COMMD1: variants seen among roughly 807,000 people sequenced by gnomAD.
COMMD1 encodes the protein COMM domain-containing protein 1.
In COMMD1, 10 loss-of-function variants were observed where a neutral mutation model predicts 17.2. The observed-to-expected ratio is 0.58, with a 90% CI of 0.36 to 0.99. The LOEUF (loss-of-function observed/expected upper bound fraction) is 0.99, where lower values mean the gene tolerates loss of function less well. COMMD1 is among the 50% of genes least tolerant of loss of function. The pLI is 0.01. For missense variants in COMMD1, 270 were observed against 231.8 expected, an observed-to-expected ratio of 1.17 and a Z score of -1.07; for synonymous variants, 97 against 91.6, an observed-to-expected ratio of 1.06 and a Z score of -0.34.
At chr2:61,967,208 T>C (rs1223453262) in intron 1 of COMMD1, among the ~76,000 whole-genome samples, 3 of 152,208 alleles carry the variant, frequency 2.0e-5, no homozygotes, top group Non-Finnish European at 4.4e-5. Flanking sequence ...TTCACAGCAG[T>C]GCTTCTTACA....
chr2:62,045,365 G>A (rs183120481), intron 2 of COMMD1, among the ~76,000 whole-genome samples: 234 of 152,240 alleles, frequency 1.5e-3, no homozygotes, highest in African/African-American at 5.5e-3. Context: ...TGTAAATCTT[G>A]TGACCTCCAG....
chr2:62,031,075 A>G (rs1321367416), intron 2 of COMMD1, among the ~76,000 whole-genome samples: 1 of 152,138 alleles, frequency 6.6e-6, no homozygotes, highest in South Asian at 2.1e-4. Context: ...AACCTTTGAG[A>G]TTTTGTGAAA....
In COMMD1 at chr2:62,028,539, C is replaced by T. The variant is rs145514755; in HGVS notation, c.462+27557C>T. On this transcript the variant is annotated intron_variant, in intron 2 of 2. Coordinates refer to ENST00000311832, the MANE Select transcript of COMMD1 (RefSeq NM_152516.4). Reference sequence around the variant, plus strand: ...CATGAGCCATGACTGTGTCACTGCACTCCAGCCTAGGCGACAGAGTGAGAG... The same window carrying T: ...CATGAGCCATGACTGTGTCACTGCATTCCAGCCTAGGCGACAGAGTGAGAG... Among the ~76,000 whole-genome samples the T allele has an allele frequency of 9.9e-5, 15 of 152,066 alleles. No homozygotes were observed. The East Asian group carries it at 2.3e-3, about 24-fold the overall frequency.
intron 2 of COMMD1, among the ~76,000 whole-genome samples, chr2:62,074,882 G>A (rs987294603): frequency 7.1e-6 from 1 of 140,564 alleles, no homozygotes; most frequent in African/African-American, 2.7e-5. Flanking sequence ...TTGTTTGTGT[G>A]GTTTTTTTTT....
chr2:61,953,493 C>T (rs1451162405), intron 1 of COMMD1, among the ~76,000 whole-genome samples: 2 of 151,626 alleles, frequency 1.3e-5, no homozygotes, highest in South Asian at 4.2e-4. Flanking sequence ...CTCAGCCTCA[C>T]GAGTAGCTGG....
chr2:62,034,393 G>A (rs1474560887), intron 2 of COMMD1, among the ~76,000 whole-genome samples: 1 of 151,986 alleles, frequency 6.6e-6, no homozygotes, highest in South Asian at 2.1e-4. Context: ...CCAGCTACTC[G>A]GGAAGCTGAG....
chr2:62,036,591 T>A (rs1670045064), intron 2 of COMMD1, among the ~76,000 whole-genome samples: 1 of 152,208 alleles, frequency 6.6e-6, no homozygotes. Flanking sequence ...TGATAGTGGC[T>A]CCTCTGGAGC....
chr2:61,972,849 T>G (rs145549188), intron 1 of COMMD1, among the ~76,000 whole-genome samples: 1,725 of 152,278 alleles, frequency 0.011, 36 homozygotes, highest in African/African-American at 0.04. Context: ...TGTTTGTTTT[T>G]TAGTAGAGAC....
At chr2:62,066,483 T>G (rs1326708948) in intron 2 of COMMD1, among the ~76,000 whole-genome samples, 1 of 150,726 alleles carries the variant, frequency 6.6e-6, no homozygotes, top group Non-Finnish European at 1.5e-5. Context: ...TCACCCAGGC[T>G]GGAGTGCAGT....
At chr2:61,920,797 G>A (rs766634787) in intron 1 of COMMD1, among the ~76,000 whole-genome samples, 23 of 151,446 alleles carry the variant, frequency 1.5e-4, no homozygotes, top group South Asian at 6.2e-4. Context: ...ATCCAAATCT[G>A]TTTTGATTTT....
At chr2:62,044,111 C>T (rs1428611198) in intron 2 of COMMD1, among the ~76,000 whole-genome samples, 4 of 152,038 alleles carry the variant, frequency 2.6e-5, no homozygotes, top group Non-Finnish European at 5.9e-5. Flanking sequence ...GGTGTTTTTG[C>T]CTTTTGGCTT....
At chr2:61,899,247 C>A (rs1478114622) in intron 1 of COMMD1, among the ~76,000 whole-genome samples, 1 of 152,122 alleles carries the variant, frequency 6.6e-6, no homozygotes, top group Non-Finnish European at 1.5e-5. Context: ...AAGATGTCCT[C>A]CCTTTACCAG....
chr2:62,009,074 G>A (rs796969896), intron 2 of COMMD1, among the ~76,000 whole-genome samples: 4 of 151,952 alleles, frequency 2.6e-5, no homozygotes, highest in African/African-American at 4.8e-5. Context: ...GTGAGCCACC[G>A]GGCCCGGTCT....
In COMMD1 at chr2:62,020,150, C is replaced by T. The variant is rs76917046; in HGVS notation, c.462+19168C>T. Reference sequence around the variant, plus strand: ...CTTCTCTATGTGAAGACCTGTGAAACTAAAGAGGCAAATTGTTTGCCCCAC... The same window carrying T: ...CTTCTCTATGTGAAGACCTGTGAAATTAAAGAGGCAAATTGTTTGCCCCAC... On this transcript the variant is annotated intron_variant, in intron 2 of 2. Transcript: ENST00000311832. Among the ~76,000 whole-genome samples the T allele has an allele frequency of 1.0e-3, 156 of 152,270 alleles. 1 individual carries two copies. Among genetic ancestry groups the T allele is most frequent in the Non-Finnish European group, 1.7e-3 (118 of 68,018 alleles).
intron 2 of COMMD1, among the ~76,000 whole-genome samples, chr2:62,015,672 C>T (rs1461108474): frequency 6.8e-6 from 1 of 147,760 alleles, no homozygotes; most frequent in Non-Finnish European, 1.5e-5. Context: ...TGTACATCCT[C>T]ACTAACACTT....
At chr2:61,987,326 C>G (rs934050379) in intron 1 of COMMD1, among the ~76,000 whole-genome samples, 1 of 152,092 alleles carries the variant, frequency 6.6e-6, no homozygotes, top group Non-Finnish European at 1.5e-5. Flanking sequence ...TTTTACTCAT[C>G]CTCTTTGGGA....
chr2:61,899,508 A>G (rs900371623), intron 1 of COMMD1, among the ~76,000 whole-genome samples: 3 of 152,208 alleles, frequency 2.0e-5, no homozygotes, highest in African/African-American at 7.2e-5. Context: ...CTTATATTAA[A>G]TAAGTCTGTA....
chr2:62,134,002 T>C (rs1489618518), intron 2 of COMMD1, among the ~76,000 whole-genome samples: 1 of 152,166 alleles, frequency 6.6e-6, no homozygotes, highest in Non-Finnish European at 1.5e-5. Flanking sequence ...AGTTTCATTA[T>C]TATTGCCCAG....
chr2:61,890,700 G>A (rs1317413464), intron 1 of COMMD1, among the ~76,000 whole-genome samples: 5 of 151,838 alleles, frequency 3.3e-5, no homozygotes, highest in Admixed American at 6.6e-5. Context: ...CATTAACCGG[G>A]GGTGTAATCC....
Sources: allele counts gnomAD v4.1 joint callset (sites outside exome capture counted in the v4.1 genomes callset), GRCh38; gene constraint gnomAD v4.1.1; transcripts MANE v1.5; gene names NCBI Gene and HGNC (gene_info 2026-07-23, HGNC 2026-07-21).